SPI1: variants seen among roughly 807,000 people sequenced by gnomAD.
SPI1 encodes the protein transcription factor PU.1.
Under a neutral mutation model 30.7 loss-of-function variants are expected in SPI1, and 3 were observed. The observed-to-expected ratio is 0.10, with a 90% CI of 0.04 to 0.25. The LOEUF is 0.25. SPI1 is among the 10% of genes least tolerant of loss of function. SPI1 has a pLI of 1.00. For missense variants in SPI1, 261 were observed against 371.5 expected (o/e 0.70, Z 2.45); for synonymous variants, 169 against 157.1 (o/e 1.08, Z -0.56).
At chr11:47,362,519 CTA>C (rs2095922225) in intron 2 of SPI1, among the ~76,000 whole-genome samples, 1 of 150,890 alleles carries the variant, frequency 6.6e-6, no homozygotes. Flanking sequence ...CTGCAGTGAG[CTA>C]TGATTACATC....
At chr11:47,369,224 C>G (rs909797454) in intron 2 of SPI1, among the ~76,000 whole-genome samples, 2 of 152,180 alleles carry the variant, frequency 1.3e-5, no homozygotes, top group African/African-American at 4.8e-5. Flanking sequence ...TGCACTCCAG[C>G]CTGGGTGACA....
At chr11:47,365,696 T>G (rs1364063831) in intron 2 of SPI1, among the ~76,000 whole-genome samples, 1 of 151,618 alleles carries the variant, frequency 6.6e-6, no homozygotes, top group Non-Finnish European at 1.5e-5. Context: ...CGCTGAGAGA[T>G]TTTTTATTTT....
At chr11:47,368,914 A>T (rs1023245820) in intron 2 of SPI1, among the ~76,000 whole-genome samples, 5 of 152,214 alleles carry the variant, frequency 3.3e-5, no homozygotes, top group African/African-American at 1.2e-4. Context: ...AAGATGGTTT[A>T]AAAAATGGTT....
At chr11:47,373,645 TA>T (rs543466708) in intron 2 of SPI1, among the ~76,000 whole-genome samples, 521 of 121,378 alleles carry the variant, frequency 4.3e-3, no homozygotes, top group Middle Eastern at 8.0e-3. Flanking sequence ...AAGACTGTCC[TA>T]AAAAAAAAAA....
chr11:47,359,042 G>A lies in SPI1; in HGVS notation c.331-36C>T, dbSNP rs3740689. On this transcript the variant is annotated intron_variant, in intron 3 of 4. Transcript: ENST00000378538. This position sits in a 1 kb window ranked among gnomAD's most constrained non-coding sequence, Gnocchi z 5.1. ...GGGGAAGGAGATCAGAGTCAGGAAGGGCCAGCTTACAGCTCAGGGGGGCTG... is the reference window on the plus strand; with the variant it reads ...GGGGAAGGAGATCAGAGTCAGGAAGAGCCAGCTTACAGCTCAGGGGGGCTG... 836,508 of 1,506,956 alleles carry A rather than the reference G, an allele frequency of 0.56. 240,438 individuals are homozygous for A. The highest frequency in any genetic ancestry group is 0.59 in the Non-Finnish European group (664,957 of 1,129,802). 93.3% of individuals were successfully genotyped at this position (1,506,956 alleles called of 1,614,324 possible).
rs976110262 is a variant in SPI1, at chr11:47,367,405, G to A, written c.143-7365C>T. ...CCCGTCTCTACTAGAAATACAAAAAGTAGCCGGGCGTGGTGGCATGCACCT... is the reference window on the plus strand; with the variant it reads ...CCCGTCTCTACTAGAAATACAAAAAATAGCCGGGCGTGGTGGCATGCACCT... On this transcript the variant is annotated intron_variant, in intron 2 of 4. Coordinates refer to ENST00000378538, the MANE Select transcript of SPI1 (RefSeq NM_003120.3). Among the ~76,000 whole-genome samples, 11 of 151,466 alleles carry A rather than the reference G, an allele frequency of 7.3e-5. No individual in the cohort carries two copies. The East Asian group carries it at 2.1e-3, about 30-fold the overall frequency.
At chr11:47,358,724 T>TGCAC in intron 4 of SPI1, 120 bp downstream of exon 4, 1 of 957,426 alleles carries the variant, frequency 1.0e-6, no homozygotes, top group Non-Finnish European at 1.6e-6. Flanking sequence ...CTGGCAAACA[T>TGCAC]GCACACACAC....
At chr11:47,368,937 A>G (rs1295392126) in intron 2 of SPI1, among the ~76,000 whole-genome samples, 1 of 152,218 alleles carries the variant, frequency 6.6e-6, no homozygotes, top group African/African-American at 2.4e-5. Context: ...TATTATGTGT[A>G]TTTTACCACA....
Position 47,358,536 on chromosome 11 carries a change from G to A in SPI1, c.493+308C>T. 5 of 687,952 alleles carry A rather than the reference G, an allele frequency of 7.3e-6. No homozygotes were observed. In the South Asian group the frequency reaches 7.6e-5, roughly 10 times the overall value. 42.6% of individuals were successfully genotyped at this position (687,952 alleles called of 1,614,324 possible). ...CACAGCCACTCGCACACATGCACCTGCCCGTACCTGTGCACACGCACCCTC... is the reference window on the plus strand; with the variant it reads ...CACAGCCACTCGCACACATGCACCTACCCGTACCTGTGCACACGCACCCTC... On this transcript the variant is annotated intron_variant, in intron 4 of 4. Transcript: ENST00000378538.
At chr11:47,356,759 TCA>T (rs1269906598) in intron 4 of SPI1, among the ~76,000 whole-genome samples, 1 of 140,696 alleles carries the variant, frequency 7.1e-6, no homozygotes, top group Non-Finnish European at 1.5e-5. Flanking sequence ...ACATATCCAC[TCA>T]CATATGATCG....
At chr11:47,366,492 CCTT>C (rs757557281) in intron 2 of SPI1, among the ~76,000 whole-genome samples, 14 of 152,226 alleles carry the variant, frequency 9.2e-5, no homozygotes, top group Non-Finnish European at 1.6e-4. Flanking sequence ...AAGAAAAAAA[CCTT>C]CTCAGAAGAT....
intron 2 of SPI1, among the ~76,000 whole-genome samples, chr11:47,367,748 ATTTTTTT>A (rs1173025260): frequency 4.6e-5 from 3 of 64,780 alleles, no homozygotes; most frequent in Non-Finnish European, 7.8e-5. Flanking sequence ...TGATGGTTAA[ATTTTTTT>A]TTTTTTTTTT....
At position 47,367,964 on chromosome 11, in the gene SPI1, A is replaced by C. The variant is rs892342880; in HGVS notation, c.142+7669T>G. On this transcript the variant is annotated intron_variant, in intron 2 of 4. Transcript: ENST00000378538. ...AGTAGAGATGGGGTTTCACCATGTTAGCCAGGTCTCAATCTCTTGACCTTG... is the reference window on the plus strand; with the variant it reads ...AGTAGAGATGGGGTTTCACCATGTTCGCCAGGTCTCAATCTCTTGACCTTG... 3.9e-5 allele frequency among the ~76,000 whole-genome samples: 6 copies of C among 151,912 alleles called. No individual in the cohort carries two copies. The South Asian group carries it at 1.2e-3, about 32-fold the overall frequency.
At chr11:47,358,609 G>A (rs1289643115) in intron 4 of SPI1, 1 of 704,534 alleles carries the variant, frequency 1.4e-6, no homozygotes, top group Non-Finnish European at 2.6e-6. Flanking sequence ...TCATGGCACA[G>A]AGAGACACAC....
At chr11:47,377,960 C>T (rs995402966) in intron 1 of SPI1, among the ~76,000 whole-genome samples, 4 of 152,212 alleles carry the variant, frequency 2.6e-5, no homozygotes, top group African/African-American at 9.7e-5. Flanking sequence ...CAAGCCAGTC[C>T]CCCCATCTCC....
chr11:47,359,840 C>T lies in SPI1; in HGVS notation c.330+13G>A, dbSNP rs377150823. On this transcript the variant is annotated intron_variant, in intron 3 of 4. Transcript: ENST00000378538. The surrounding 1 kb of genome is among the most constrained non-coding windows in gnomAD (Gnocchi z 5.1). ...GCAGTCTCCTGGGGGACGGGGCAGG[C>T]GGTGGCATGCACCTGGTGGCCAAGA... 13 of 1,601,460 alleles carry T rather than the reference C, an allele frequency of 8.1e-6. No homozygotes were observed. The highest frequency in any genetic ancestry group is 5.5e-5 in the South Asian group (5 of 91,004).
intron 4 of SPI1, 42 bp from the exon 5 acceptor site, chr11:47,355,588 C>T: frequency 6.7e-7 from 1 of 1,503,436 alleles, no homozygotes; most frequent in Non-Finnish European, 8.9e-7. Flanking sequence ...CCGGGGCCCA[C>T]ATGGGAGCCG....
At chr11:47,355,696 A>G (rs1052521887) in intron 4 of SPI1, 150 bp from the exon 5 acceptor site, 17 of 620,958 alleles carry the variant, frequency 2.7e-5, no homozygotes, top group Non-Finnish European at 3.9e-5. Flanking sequence ...TGCATACACA[A>G]CGCACCCACA....
At chr11:47,377,299 A>T (rs2095943675) in intron 1 of SPI1, among the ~76,000 whole-genome samples, 1 of 151,898 alleles carries the variant, frequency 6.6e-6, no homozygotes, top group South Asian at 2.1e-4. Context: ...ATAGTGGGGG[A>T]AGGGAGCTGC....
Sources: gnomAD v4.1 joint callset for allele counts (sites outside exome capture counted in the v4.1 genomes callset) on GRCh38, gnomAD v4.1.1 for gene constraint, Gnocchi (gnomAD v3.1) non-coding constraint, MANE v1.5 for transcripts, NCBI Gene and HGNC (gene_info 2026-07-23, HGNC 2026-07-21) for gene names.